Variants in UNC13B observed in about 807,000 individuals in gnomAD.
UNC13B encodes the protein protein unc-13 homolog B.
Under a neutral mutation model 211.0 loss-of-function variants are expected in UNC13B, and 144 were observed. The observed-to-expected ratio is 0.68, with a 90% CI of 0.60 to 0.78. The LOEUF (loss-of-function observed/expected upper bound fraction) is 0.78. UNC13B is among the 30% of genes least tolerant of loss of function. The probability of loss-of-function intolerance (pLI) is 0.00; values close to 1 mark genes in which losing one functional copy is unlikely to be tolerated. For synonymous variants in UNC13B, 709 were observed against 725.8 expected, an observed-to-expected ratio of 0.98 and a Z score of 0.37; for missense variants, 1,777 against 2,002.0, an observed-to-expected ratio of 0.89 and a Z score of 2.14.
At chr9:35,200,890 G>C (rs906461297) in intron 1 of UNC13B, among the ~76,000 whole-genome samples, 2 of 152,196 alleles carry the variant, frequency 1.3e-5, no homozygotes, top group African/African-American at 4.8e-5. Flanking sequence ...GGAGTGGTGA[G>C]AGAGGGCATC....
At chr9:35,293,983 T>C (rs1450689813) in intron 7 of UNC13B, among the ~76,000 whole-genome samples, 1 of 152,206 alleles carries the variant, frequency 6.6e-6, no homozygotes, top group East Asian at 1.9e-4. Context: ...ATCTTACCCC[T>C]GTCTCCCATC....
intron 9 of UNC13B, among the ~76,000 whole-genome samples, chr9:35,310,126 G>T (rs1054325903): frequency 6.6e-6 from 1 of 152,196 alleles, no homozygotes; most frequent in Non-Finnish European, 1.5e-5. Flanking sequence ...AGCTTCTTTA[G>T]AAGACTGAAT....
Position 35,304,900 on chromosome 9 carries a change from A to G in UNC13B, c.5496A>G (p.Glu1832=). The G allele has an allele frequency of 2.5e-6, 1 of 398,904 alleles. No homozygotes were observed. Among genetic ancestry groups the G allele is most frequent in the East Asian group, 3.6e-5 (1 of 28,068 alleles). 24.7% of individuals were successfully genotyped at this position (398,904 alleles called of 1,614,324 possible). ...RQIVSNVQHP[E]LIKNIRQEFS... ...TAGTATCCAATGTTCAGCATCCAGA[A>G]TTGATCAAAAATATAAGGCAAGAAT... The change falls in exon 9 of 40, where the codon GAA becomes GAG. Residue 1832 remains glutamate, a synonymous_variant. Coordinates refer to ENST00000635942, the MANE Select transcript of UNC13B (RefSeq NM_001371189.2).
At position 35,404,937 on chromosome 9, in the gene UNC13B, C is replaced by T. The variant is rs937175232; in HGVS notation, c.*904C>T. 4.6e-5 allele frequency: 7 copies of T among 152,686 alleles called. No individual in the cohort carries two copies. The highest frequency in any genetic ancestry group is 2.1e-4 in the South Asian group (1 of 4,830). 9.5% of individuals were successfully genotyped at this position (152,686 alleles called of 1,614,324 possible). On this transcript the variant is annotated 3_prime_UTR_variant, in exon 40 of 40. Coordinates refer to ENST00000635942, the MANE Select transcript of UNC13B (RefSeq NM_001371189.2). The stretch of plus-strand genomic sequence containing the variant: ...TCATCTGTGGCCACTGCCTTCTAGC[C>T]GTCCTCCACCTTGCAGAAAGAATCT...
In UNC13B at chr9:35,255,625, A is replaced by G. The variant is rs372078121; in HGVS notation, c.469-3368A>G. On this transcript the variant is annotated intron_variant, in intron 6 of 39. Transcript: ENST00000635942. ...CAGGTAGAAGTGAGTTTTTCTTGCT[A>G]TCTTCTGTTCCTGGGTGGGATGGCA... is the stretch of plus-strand genomic sequence containing the variant. Among the ~76,000 whole-genome samples, 115 of 152,220 alleles carry G rather than the reference A, an allele frequency of 7.6e-4. 1 individual carries two copies. In the South Asian group the frequency reaches 0.019, roughly 25 times the overall value.
chr9:35,236,860 G>A (rs1467554260), intron 4 of UNC13B, among the ~76,000 whole-genome samples: 1 of 152,190 alleles, frequency 6.6e-6, no homozygotes, highest in Non-Finnish European at 1.5e-5. Flanking sequence ...GTATGTGTGT[G>A]TCGGTGTGTG....
rs745830721 is a variant in UNC13B at position 35,399,681 on chromosome 9, C to G, written c.12288C>G (p.Leu4096=). The G allele has an allele frequency of 3.1e-6, 5 of 1,614,120 alleles. No homozygotes were observed. The highest frequency in any genetic ancestry group is 4.2e-6 in the Non-Finnish European group (5 of 1,180,018). ...DHMVREETRN[L]TPKQCAVLDL... is the part of the protein sequence containing the mutation. ...TGGTACGAGAGGAAACACGGAATCTCACTCCAAAGCAGTGTGCAGTCCTTG... is the reference window on the plus strand; with the variant it reads ...TGGTACGAGAGGAAACACGGAATCTGACTCCAAAGCAGTGTGCAGTCCTTG... Residue 4096 remains leucine (L), a synonymous_variant, in exon 36 of 40, where the codon CTC becomes CTG. Transcript: ENST00000635942.
chr9:35,262,814 C>A (rs1181468057), intron 7 of UNC13B, among the ~76,000 whole-genome samples: 1 of 151,964 alleles, frequency 6.6e-6, no homozygotes, highest in Non-Finnish European at 1.5e-5. Context: ...TACCTGTAGT[C>A]CCAGCTACTT....
Position 35,301,442 on chromosome 9 carries a change from C to T in UNC13B, c.2038C>T (p.Pro680Ser), listed in dbSNP as rs543774434. ...TKKDDDQSKP[P>S]RKESFVECGL... is the part of the protein sequence containing the mutation. Reference sequence around the variant, plus strand: ...AAAAGATGATGACCAGAGTAAGCCACCAAGAAAAGAAAGCTTTGTTGAGTG... The same window carrying T: ...AAAAGATGATGACCAGAGTAAGCCATCAAGAAAAGAAAGCTTTGTTGAGTG... Residue 680 changes from proline (P) to serine (S), a missense_variant, in exon 9 of 40, where the codon CCA becomes TCA. By Grantham distance (74) the Pro-to-Ser change is moderately conservative. Transcript: ENST00000635942. 4.3e-5 allele frequency: 17 copies of T among 398,580 alleles called. No homozygotes were observed. The highest frequency in any genetic ancestry group is 3.6e-4 in the East Asian group (10 of 28,054). 24.7% of individuals were successfully genotyped at this position (398,580 alleles called of 1,614,324 possible).
intron 1 of UNC13B, among the ~76,000 whole-genome samples, chr9:35,213,859 A>G (rs965654525): frequency 2.0e-5 from 3 of 152,184 alleles, no homozygotes; most frequent in African/African-American, 7.2e-5. Flanking sequence ...AGCTACCCCA[A>G]AAAGACAGTC....
intron 6 of UNC13B, among the ~76,000 whole-genome samples, chr9:35,247,139 A>G (rs1191234338): frequency 6.6e-6 from 1 of 152,006 alleles, no homozygotes; most frequent in African/African-American, 2.4e-5. Context: ...TTCACTCATG[A>G]TTTGGCTCTC....
Position 35,176,232 on chromosome 9 carries a change from AG to A in UNC13B, c.22+13930del, listed in dbSNP as rs538319124. ...TTTAGAGAGCTTGAGGAGAGTGCAA[AG>A]GGTTCATTCATTTATTCTTTCAACA... On this transcript the variant is annotated intron_variant, in intron 1 of 39. Coordinates refer to ENST00000635942, the MANE Select transcript of UNC13B (RefSeq NM_001371189.2). Among the ~76,000 whole-genome samples the A allele has an allele frequency of 5.2e-4, 79 of 151,938 alleles. No individual in the cohort carries two copies. In the South Asian group the frequency reaches 0.016, roughly 30 times the overall value.
chr9:35,342,821 G>T (rs530843601), intron 11 of UNC13B, among the ~76,000 whole-genome samples: 2 of 152,134 alleles, frequency 1.3e-5, no homozygotes, highest in Non-Finnish European at 2.9e-5. Context: ...CTATGTGTAT[G>T]CATGTACTCA....
At chr9:35,260,175 A>G (rs894360032) in intron 7 of UNC13B, among the ~76,000 whole-genome samples, 4 of 151,330 alleles carry the variant, frequency 2.6e-5, no homozygotes, top group African/African-American at 9.7e-5. Context: ...GTGCCACTGC[A>G]CTGCAGCCTG....
chr9:35,342,982 A>AT (rs1440204784), intron 11 of UNC13B, among the ~76,000 whole-genome samples: 1 of 152,268 alleles, frequency 6.6e-6, no homozygotes, highest in African/African-American at 2.4e-5. Flanking sequence ...ATGTGTGTAT[A>AT]TGCCATATAA....
intron 1 of UNC13B, among the ~76,000 whole-genome samples, chr9:35,188,219 A>T (rs896790796): frequency 2.6e-5 from 4 of 152,100 alleles, no homozygotes; most frequent in Admixed American, 1.3e-4. Flanking sequence ...TAAAGCTATT[A>T]AAAAAACTCA....
intron 7 of UNC13B, among the ~76,000 whole-genome samples, chr9:35,279,363 G>A (rs1338034393): frequency 2.6e-5 from 4 of 152,180 alleles, no homozygotes; most frequent in South Asian, 4.1e-4. Context: ...ATTGTGGCAT[G>A]TATCAGTCCT....
intron 1 of UNC13B, among the ~76,000 whole-genome samples, chr9:35,167,573 A>C (rs1221954241): frequency 6.7e-6 from 1 of 150,128 alleles, no homozygotes; most frequent in East Asian, 1.9e-4. Flanking sequence ...TGCTACAATG[A>C]ACATCTTTGT....
intron 7 of UNC13B, among the ~76,000 whole-genome samples, chr9:35,273,869 G>A (rs923834794): frequency 1.3e-5 from 2 of 152,180 alleles, no homozygotes; most frequent in African/African-American, 4.8e-5. Context: ...ACTTTAAGTA[G>A]AACAGGAAAT....
Sources: gnomAD v4.1 joint callset for allele counts (sites outside exome capture counted in the v4.1 genomes callset) on GRCh38, gnomAD v4.1.1 for gene constraint, MANE v1.5 for transcripts, NCBI Gene and HGNC (gene_info 2026-07-23, HGNC 2026-07-21) for gene names.